Variants in FSTL5 observed in about 807,000 individuals in gnomAD.
FSTL5 encodes follistatin-related protein 5.
A neutral mutation model predicts 89.1 loss-of-function variants in FSTL5; 62 were observed. The ratio of observed to expected loss-of-function variants is 0.70; its 90% CI spans 0.57 to 0.86. The LOEUF is 0.86. FSTL5 is among the 40% of genes least tolerant of loss of function. FSTL5 has a pLI of 0.00. For missense variants in FSTL5, 1,057 were observed against 1,001.6 expected, an observed-to-expected ratio of 1.06 and a Z score of -0.75; for synonymous variants, 383 against 346.2, an observed-to-expected ratio of 1.11 and a Z score of -1.18.
At chr4:162,157,939 GATAGAAACA>G (rs1222200298) in intron 1 of FSTL5, among the ~76,000 whole-genome samples, 2 of 152,062 alleles carry the variant, frequency 1.3e-5, no homozygotes, top group Non-Finnish European at 1.5e-5. Context: ...AATGCAATTA[GATAGAAACA>G]ATAGAATAAA....
At chr4:161,830,922 T>C (rs1730824116) in intron 4 of FSTL5, among the ~76,000 whole-genome samples, 1 of 152,008 alleles carries the variant, frequency 6.6e-6, no homozygotes, top group Non-Finnish European at 1.5e-5. Flanking sequence ...CATTGTTATT[T>C]TAATAGTGGT....
chr4:161,854,470 T>C (rs1440584), intron 4 of FSTL5, among the ~76,000 whole-genome samples: 113,795 of 151,650 alleles, frequency 0.75, 42,907 homozygotes, highest in East Asian at 0.82. Context: ...TTCACATTCA[T>C]TGGAACAATT....
At chr4:162,145,016 A>T (rs1732917132) in intron 1 of FSTL5, among the ~76,000 whole-genome samples, 1 of 151,900 alleles carries the variant, frequency 6.6e-6, no homozygotes, top group African/African-American at 2.4e-5. Context: ...TATACAATGA[A>T]TACAATATAT....
chr4:161,866,104 A>G (rs1234416554), intron 4 of FSTL5, among the ~76,000 whole-genome samples: 1 of 152,142 alleles, frequency 6.6e-6, no homozygotes, highest in African/African-American at 2.4e-5. Flanking sequence ...GTATTTTAGG[A>G]GTTGTTATTA....
At position 161,386,163 on chromosome 4, in the gene FSTL5, T is replaced by G. The variant is rs2110860603; in HGVS notation, c.2128A>C (p.Asn710His). The change falls in exon 16 of 16, where the codon AAT becomes CAT. Residue 710 changes from asparagine (N) to histidine (H), a missense_variant. Coordinates refer to ENST00000306100, the MANE Select transcript of FSTL5 (RefSeq NM_020116.5). ...SPDGHYLVSINDVKGLVRVQY... is the reference protein window; with the variant it reads ...SPDGHYLVSIHDVKGLVRVQY... ...ACCCTTACAAGACCTTTCACATCAT[T>G]AATGCTGACAAGGTAGTGGCCATCT... The G allele has an allele frequency of 6.2e-7, 1 of 1,614,068 alleles. No homozygotes were observed. The highest frequency in any genetic ancestry group is 1.6e-4 in the Middle Eastern group (1 of 6,062).
At chr4:161,685,122 C>A (rs1048287098) in intron 6 of FSTL5, among the ~76,000 whole-genome samples, 3 of 152,064 alleles carry the variant, frequency 2.0e-5, no homozygotes, top group African/African-American at 7.2e-5. Flanking sequence ...TATTTTTATA[C>A]CAGTAACATG....
At chr4:162,014,860 TC>T (rs778560621) in intron 3 of FSTL5, among the ~76,000 whole-genome samples, 2 of 152,134 alleles carry the variant, frequency 1.3e-5, no homozygotes, top group Non-Finnish European at 2.9e-5. Context: ...TAATGGCTTT[TC>T]TTAAAAAAAG....
At chr4:161,491,516 CT>C (rs1200718155) in intron 12 of FSTL5, among the ~76,000 whole-genome samples, 1 of 151,832 alleles carries the variant, frequency 6.6e-6, no homozygotes, top group East Asian at 1.9e-4. Context: ...CTGATCGCTT[CT>C]TTTTCAGGAT....
At chr4:161,427,986 G>GA (rs1456511213) in intron 15 of FSTL5, among the ~76,000 whole-genome samples, 1 of 152,158 alleles carries the variant, frequency 6.6e-6, no homozygotes, top group East Asian at 1.9e-4. Flanking sequence ...GAAGAGGATA[G>GA]AAAAGACAGT....
intron 8 of FSTL5, among the ~76,000 whole-genome samples, chr4:161,581,280 G>A (rs1015700966): frequency 6.6e-6 from 1 of 152,206 alleles, no homozygotes. Context: ...ACATGTCGCT[G>A]TTGCTCCTTG....
At chr4:161,680,950 A>C (rs1029873217) in intron 6 of FSTL5, among the ~76,000 whole-genome samples, 3 of 152,082 alleles carry the variant, frequency 2.0e-5, no homozygotes, top group African/African-American at 7.2e-5. Flanking sequence ...AAACATAATA[A>C]ATCATTCAGT....
chr4:161,555,966 A>G (rs911457703), intron 8 of FSTL5, among the ~76,000 whole-genome samples: 7 of 151,650 alleles, frequency 4.6e-5, no homozygotes, highest in African/African-American at 7.2e-5. Context: ...TTCAACACGC[A>G]AGAAAACTAT....
intron 8 of FSTL5, among the ~76,000 whole-genome samples, chr4:161,573,466 C>T (rs1193441681): frequency 1.4e-5 from 2 of 147,830 alleles, no homozygotes; most frequent in East Asian, 2.0e-4. Context: ...AAGCCAGGAG[C>T]GGTGGCTCAC....
chr4:161,863,533 T>C (rs936796243), intron 4 of FSTL5, among the ~76,000 whole-genome samples: 2 of 152,154 alleles, frequency 1.3e-5, no homozygotes, highest in Non-Finnish European at 2.9e-5. Context: ...AGACTGGATA[T>C]GATGCGGGCA....
At chr4:161,925,459 A>G (rs145309369) in intron 3 of FSTL5, among the ~76,000 whole-genome samples, 217 of 151,956 alleles carry the variant, frequency 1.4e-3, no homozygotes, top group African/African-American at 4.9e-3. Flanking sequence ...CTCTATTTGT[A>G]TTTTGACTAC....
chr4:161,593,245 T>A (rs2126613873), intron 7 of FSTL5, among the ~76,000 whole-genome samples: 1 of 152,226 alleles, frequency 6.6e-6, no homozygotes, highest in African/African-American at 2.4e-5. Flanking sequence ...TGTGATTTTT[T>A]TAAAAATATT....
intron 8 of FSTL5, among the ~76,000 whole-genome samples, chr4:161,545,349 A>C (rs1158725800): frequency 1.3e-5 from 2 of 152,082 alleles, no homozygotes; most frequent in African/African-American, 2.4e-5. Context: ...ACACATATGC[A>C]TGTGTGTGCA....
intron 13 of FSTL5, among the ~76,000 whole-genome samples, chr4:161,476,464 G>A (rs1159574841): frequency 6.6e-6 from 1 of 152,094 alleles, no homozygotes; most frequent in Non-Finnish European, 1.5e-5. Flanking sequence ...TAGGATTACA[G>A]GCGTGAGCCA....
At chr4:162,160,329 A>G (rs1733646339) in intron 1 of FSTL5, among the ~76,000 whole-genome samples, 1 of 151,852 alleles carries the variant, frequency 6.6e-6, no homozygotes, top group Admixed American at 6.6e-5. Context: ...ATGGTTACCA[A>G]TTTAATTGGA....
Sources: allele counts gnomAD v4.1 joint callset (sites outside exome capture counted in the v4.1 genomes callset), GRCh38; gene constraint gnomAD v4.1.1; transcripts MANE v1.5; gene names NCBI Gene and HGNC (gene_info 2026-07-23, HGNC 2026-07-21).